The following CAB39 variants were observed in gnomAD, a reference collection of about 807,000 sequenced individuals.
CAB39 encodes the protein calcium binding protein 39.
In CAB39, 8 loss-of-function variants were observed where a neutral mutation model predicts 40.0. The ratio of observed to expected loss-of-function variants is 0.20; its 90% confidence interval spans 0.12 to 0.36. The LOEUF (loss-of-function observed/expected upper bound fraction) is 0.36. Ranked by LOEUF, CAB39 falls within the 10% of genes least tolerant of loss-of-function variation. The pLI, the probability that CAB39 is intolerant of heterozygous loss-of-function variation, is 1.00. For missense variants in CAB39, 270 were observed against 401.1 expected, an observed-to-expected ratio of 0.67 and a Z score of 2.79; for synonymous variants, 156 against 141.6, an observed-to-expected ratio of 1.10 and a Z score of -0.72.
intron 1 of CAB39, among the ~76,000 whole-genome samples, chr2:230,720,516 A>G (rs551559302): frequency 6.6e-6 from 1 of 151,980 alleles, no homozygotes; most frequent in East Asian, 1.9e-4. Context: ...GCTCACTGCA[A>G]CCTCCGCCTC....
chr2:230,774,352 G>C (rs923607517), intron 2 of CAB39, among the ~76,000 whole-genome samples: 1 of 152,088 alleles, frequency 6.6e-6, no homozygotes, highest in Non-Finnish European at 1.5e-5. Context: ...AATTGTGTAT[G>C]ATACAAATAG....
At chr2:230,724,597 C>T (rs1694521639) in intron 1 of CAB39, among the ~76,000 whole-genome samples, 1 of 150,576 alleles carries the variant, frequency 6.6e-6, no homozygotes, top group African/African-American at 2.4e-5. Context: ...AGGAGAATCA[C>T]TTGAACCCTG....
intron 1 of CAB39, among the ~76,000 whole-genome samples, chr2:230,738,684 T>C (rs745931292): frequency 9.9e-5 from 15 of 152,216 alleles, no homozygotes; most frequent in Non-Finnish European, 1.6e-4. Context: ...TTGAGCAGTT[T>C]AAAAAGAAAC....
At chr2:230,721,520 A>T (rs554741459) in intron 1 of CAB39, among the ~76,000 whole-genome samples, 1 of 152,228 alleles carries the variant, frequency 6.6e-6, no homozygotes, top group East Asian at 1.9e-4. Flanking sequence ...TATCTCAGCT[A>T]TATTTGTGCT....
At chr2:230,741,401 A>T (rs1448413521) in intron 1 of CAB39, among the ~76,000 whole-genome samples, 1 of 152,222 alleles carries the variant, frequency 6.6e-6, no homozygotes, top group African/African-American at 2.4e-5. Flanking sequence ...TTCCTACCTG[A>T]TACCCATGGA....
At chr2:230,727,398 G>GTGTGTT (rs760656084) in intron 1 of CAB39, among the ~76,000 whole-genome samples, 30 of 124,642 alleles carry the variant, frequency 2.4e-4, no homozygotes, top group African/African-American at 7.6e-4. Context: ...GTGTGTGTGT[G>GTGTGTT]TATTTTTTTT....
rs1045829644 is a variant in CAB39, at chr2:230,712,875, A to C, written c.-399A>C. On this transcript the variant is annotated 5_prime_UTR_variant, in exon 1 of 9. Transcript: ENST00000258418. Reference sequence around the variant, plus strand: ...CACGTCAAAGCCGGGCTCGGGCCGCAAGCGGGGCGAGGGGTTCGGGGAGCG... The same window carrying C: ...CACGTCAAAGCCGGGCTCGGGCCGCCAGCGGGGCGAGGGGTTCGGGGAGCG... 1.3e-5 allele frequency: 2 copies of C among 151,952 alleles called. No homozygotes were observed. Among genetic ancestry groups the C allele is most frequent in the African/African-American group, 2.4e-5 (1 of 41,416 alleles). 9.4% of individuals were successfully genotyped at this position (151,952 alleles called of 1,614,324 possible). A position where few individuals can be genotyped will look rare whatever the true frequency, so the allele number is the denominator to read the frequency against.
intron 3 of CAB39, 70 bp from the exon 4 acceptor site, chr2:230,793,143 C>T: frequency 1.2e-6 from 1 of 826,734 alleles, no homozygotes. Flanking sequence ...TATTCGAGTT[C>T]ATTTGGGAGG....
At chr2:230,772,259 A>G (rs979259627) in intron 2 of CAB39, among the ~76,000 whole-genome samples, 2 of 152,222 alleles carry the variant, frequency 1.3e-5, no homozygotes, top group African/African-American at 4.8e-5. Context: ...AGATACTCAT[A>G]TATGCATTTC....
At chr2:230,784,278 G>A (rs1695749619) in intron 2 of CAB39, among the ~76,000 whole-genome samples, 1 of 152,156 alleles carries the variant, frequency 6.6e-6, no homozygotes, top group Admixed American at 6.5e-5. Flanking sequence ...GCACTAGGGC[G>A]AGATCTTGAG....
At chr2:230,795,464 G>A (rs1695968171) in intron 4 of CAB39, among the ~76,000 whole-genome samples, 1 of 152,130 alleles carries the variant, frequency 6.6e-6, no homozygotes, top group South Asian at 2.1e-4. Flanking sequence ...TCCACTATCT[G>A]CTAGTGATTT....
At chr2:230,795,019 G>A (rs1163706082) in intron 4 of CAB39, among the ~76,000 whole-genome samples, 1 of 152,206 alleles carries the variant, frequency 6.6e-6, no homozygotes, top group Non-Finnish European at 1.5e-5. Context: ...GCTCACGCCT[G>A]TAATACCAGC....
At chr2:230,803,652 A>G (rs926746408) in intron 5 of CAB39, among the ~76,000 whole-genome samples, 5 of 152,342 alleles carry the variant, frequency 3.3e-5, no homozygotes, top group South Asian at 2.1e-4. Flanking sequence ...CCCATTCACA[A>G]TTGCTACAAA....
chr2:230,805,480 AG>A (rs1696175396), intron 5 of CAB39, among the ~76,000 whole-genome samples: 1 of 152,192 alleles, frequency 6.6e-6, no homozygotes, highest in African/African-American at 2.4e-5. Context: ...ACTAAGAGGA[AG>A]TTCAGTCATA....
intron 1 of CAB39, among the ~76,000 whole-genome samples, chr2:230,751,702 T>G (rs745767411): frequency 1.5e-4 from 23 of 152,172 alleles, no homozygotes; most frequent in Non-Finnish European, 3.1e-4. Flanking sequence ...GAGCAGTGAT[T>G]TGATGTCTTT....
intron 5 of CAB39, among the ~76,000 whole-genome samples, chr2:230,803,329 CCTT>C (rs1696127156): frequency 6.6e-6 from 1 of 152,178 alleles, no homozygotes; most frequent in African/African-American, 2.4e-5. Context: ...GGAAGCATTC[CCTT>C]TGAAAAGTTG....
intron 1 of CAB39, among the ~76,000 whole-genome samples, chr2:230,732,130 G>C (rs1694702820): frequency 6.6e-6 from 1 of 151,502 alleles, no homozygotes; most frequent in Non-Finnish European, 1.5e-5. Flanking sequence ...CACCCAAGCT[G>C]GAGGGCAGTG....
At chr2:230,753,229 C>T (rs1300231683) in intron 1 of CAB39, among the ~76,000 whole-genome samples, 1 of 152,210 alleles carries the variant, frequency 6.6e-6, no homozygotes, top group East Asian at 1.9e-4. Flanking sequence ...GCGGATTCAG[C>T]TTGCAGTGTT....
At chr2:230,814,435 T>C (rs1696363454) in intron 7 of CAB39, among the ~76,000 whole-genome samples, 1 of 152,188 alleles carries the variant, frequency 6.6e-6, no homozygotes, top group Non-Finnish European at 1.5e-5. Flanking sequence ...GCTGTGCTCC[T>C]GGGCTGTGGC....
Sources: allele counts gnomAD v4.1 joint callset (sites outside exome capture counted in the v4.1 genomes callset), GRCh38; gene constraint gnomAD v4.1.1; transcripts MANE v1.5; gene names NCBI Gene and HGNC (gene_info 2026-07-23, HGNC 2026-07-21).